NLRP4: variants seen among roughly 807,000 people sequenced by gnomAD.
NLRP4 encodes the protein NLR family pyrin domain containing 4.
In NLRP4, 44 loss-of-function variants were observed where a neutral mutation model predicts 84.7. That is an observed-to-expected ratio of 0.52 (90% CI 0.41 to 0.67). The LOEUF is 0.67. Ranked by LOEUF, NLRP4 falls within the 30% of genes least tolerant of loss-of-function variation. The probability of loss-of-function intolerance (pLI) is 0.00; values close to 1 mark genes in which losing one functional copy is unlikely to be tolerated. For synonymous variants in NLRP4, 544 were observed against 476.4 expected (o/e 1.14, Z -1.85); for missense variants, 1,260 against 1,219.4 (o/e 1.03, Z -0.50).
At chr19:55,868,730 C>G (rs1165058751) in intron 6 of NLRP4, among the ~76,000 whole-genome samples, 1 of 151,820 alleles carries the variant, frequency 6.6e-6, no homozygotes, top group African/African-American at 2.4e-5. Context: ...TCGAGTGTGT[C>G]TATTTTTTAA....
chr19:55,869,732 T>G (rs563456233), intron 6 of NLRP4, among the ~76,000 whole-genome samples: 1 of 152,226 alleles, frequency 6.6e-6, no homozygotes, highest in East Asian at 1.9e-4. Context: ...CACCGTCTGC[T>G]TTTTTGTTTT....
At chr19:55,867,512 T>A (rs1339574614) in intron 5 of NLRP4, among the ~76,000 whole-genome samples, 197 bp from the exon 6 acceptor site, 1 of 151,956 alleles carries the variant, frequency 6.6e-6, no homozygotes, top group East Asian at 1.9e-4. Flanking sequence ...AGCATGCATA[T>A]AACTGAGACT....
rs377060653 is a variant in NLRP4 at position 55,858,303 on chromosome 19, G to A, written c.910G>A (p.Glu304Lys). The A allele has an allele frequency of 1.9e-6, 3 of 1,614,148 alleles. No homozygotes were observed. The highest frequency in any genetic ancestry group is 1.1e-5 in the South Asian group (1 of 91,082). Reference sequence around the variant, plus strand: ...AATCTACCAGCCCCGGGGATTCAACGAGAGTGATAGGTTAGTGTATTTCTG... The same window carrying A: ...AATCTACCAGCCCCGGGGATTCAACAAGAGTGATAGGTTAGTGTATTTCTG... ...SEIYQPRGFNESDRLVYFCCF... is the reference protein window; with the variant it reads ...SEIYQPRGFNKSDRLVYFCCF... The change falls in exon 3 of 10, where the codon GAG becomes AAG. Residue 304 changes from glutamate (E) to lysine (K), a missense_variant. Physicochemically the swap from Glu to Lys is moderately conservative, Grantham distance 56. Around this residue, in one of 3 missense-constraint regions of NLRP4, gnomAD observed 712 missense variants for 669.2 expected, o/e 1.06. Transcript: ENST00000301295. This position sits in a 1 kb window ranked among gnomAD's most constrained non-coding sequence, Gnocchi z 4.2.
rs1261084397 is a variant in NLRP4, at chr19:55,857,919, A to G, written c.526A>G (p.Lys176Glu). 6.2e-7 allele frequency: 1 copy of G among 1,614,224 alleles called. No homozygotes were observed. The highest frequency in any genetic ancestry group is 8.5e-7 in the Non-Finnish European group (1 of 1,180,040). ...GCTGATGATGGCCTGGTCGGACAAC[A>G]AGATCTTTCGGGATAGGTTCCTGTA... is the stretch of plus-strand genomic sequence containing the variant. ...MKLMMAWSDNKIFRDRFLYTF... is the reference protein window; with the variant it reads ...MKLMMAWSDNEIFRDRFLYTF... The change falls in exon 3 of 10, where the codon AAG (lysine) becomes GAG (glutamate). Residue 176 changes from lysine to glutamate, a missense_variant. Physicochemically the swap from Lys to Glu is moderately conservative, Grantham distance 56. Around this residue, in one of 3 missense-constraint regions of NLRP4, gnomAD observed 712 missense variants for 669.2 expected, o/e 1.06. Transcript: ENST00000301295.
At chr19:55,875,943 A>T (rs1344373205) in intron 7 of NLRP4, among the ~76,000 whole-genome samples, 1 of 152,108 alleles carries the variant, frequency 6.6e-6, no homozygotes, top group Non-Finnish European at 1.5e-5. Flanking sequence ...AGGCTGAGGC[A>T]GGAGAATCAC....
chr19:55,842,538 T>C (rs1333467926), intron 1 of NLRP4, among the ~76,000 whole-genome samples: 1 of 151,964 alleles, frequency 6.6e-6, no homozygotes, highest in Non-Finnish European at 1.5e-5. Flanking sequence ...TCTTTTTTTT[T>C]TAGATTTACG....
chr19:55,868,036 T>C (rs302430), intron 6 of NLRP4, among the ~76,000 whole-genome samples, 160 bp downstream of exon 6: 46,712 of 152,182 alleles, frequency 0.31, 7,763 homozygotes, highest in African/African-American at 0.42. Flanking sequence ...TCAGGATTTA[T>C]CACGTATATA....
rs1163147761 is a variant in NLRP4, at chr19:55,836,744, A to G, written c.-256A>G. 6.7e-6 allele frequency: 1 copy of G among 148,666 alleles called. No homozygotes were observed. Among genetic ancestry groups the G allele is most frequent in the Non-Finnish European group, 1.5e-5 (1 of 67,784 alleles). The allele number at this position is 148,666 out of a possible 1,614,324, so 9.2% of individuals were successfully genotyped here. A position where few individuals can be genotyped will look rare whatever the true frequency, so the allele number is the denominator to read the frequency against. On this transcript the variant is annotated 5_prime_UTR_variant, in exon 1 of 10. An upstream start codon of the reference 5' UTR is lost. Transcript: ENST00000301295. ...TCCTTCTCTCCAGTTAGTGGGGTAGATGAACGCCCTGTGTTTATAAGGTGC... is the reference window on the plus strand; with the variant it reads ...TCCTTCTCTCCAGTTAGTGGGGTAGGTGAACGCCCTGTGTTTATAAGGTGC...
At chr19:55,868,190 C>T (rs1285843787) in intron 6 of NLRP4, among the ~76,000 whole-genome samples, 1 of 152,216 alleles carries the variant, frequency 6.6e-6, no homozygotes, top group Non-Finnish European at 1.5e-5. Context: ...CTGCAACACA[C>T]ATGGTACTTC....
intron 2 of NLRP4, among the ~76,000 whole-genome samples, chr19:55,853,755 T>TTCTCTCTTTC (rs113515986): frequency 5.4e-5 from 8 of 148,906 alleles, no homozygotes; most frequent in African/African-American, 2.0e-4. Context: ...TTCTTTCTCT[T>TTCTCTCTTTC]TCTCTTTCTC....
chr19:55,856,667 C>T (rs1470787875), intron 2 of NLRP4, among the ~76,000 whole-genome samples: 6 of 151,956 alleles, frequency 3.9e-5, no homozygotes, highest in Non-Finnish European at 7.4e-5. Context: ...AGGCACACAC[C>T]ACCACGCCCG....
rs960412786 is a variant in NLRP4 at position 55,861,280 on chromosome 19, G to T, written c.1857-106G>T. On this transcript the variant is annotated intron_variant, in intron 3 of 9. Transcript: ENST00000301295. ...GTTCCTTCTGACTGAGGGAGGCTCT[G>T]CCTCAGACATCTTCTGTTTGAGAAG... The T allele has an allele frequency of 2.0e-5, 19 of 932,880 alleles. No homozygotes were observed. The East Asian group carries it at 4.9e-4, about 24-fold the overall frequency. 57.8% of individuals were successfully genotyped at this position (932,880 alleles called of 1,614,324 possible).
rs35989098 is a variant in NLRP4, at chr19:55,860,737, C to T, written c.1857-649C>T. On this transcript the variant is annotated intron_variant, in intron 3 of 9. Coordinates refer to ENST00000301295, the MANE Select transcript of NLRP4 (RefSeq NM_134444.5). ...AGGGCTGAGCCTAGGCTGAAGATGT[C>T]GACTTAATGGCTGGGCTGTGCTGCC... Among the ~76,000 whole-genome samples the T allele has an allele frequency of 5.8e-3, 881 of 152,250 alleles. 4 individuals carry two copies. Among genetic ancestry groups the T allele is most frequent in the Non-Finnish European group, 9.2e-3 (626 of 68,012 alleles).
In NLRP4 at chr19:55,861,416, C is replaced by T. The variant is rs1479326398; in HGVS notation, c.1887C>T (p.His629=). 3 of 1,614,070 alleles carry T rather than the reference C, an allele frequency of 1.9e-6. No homozygotes were observed. Among genetic ancestry groups the T allele is most frequent in the East Asian group, 2.2e-5 (1 of 44,900 alleles). Reference sequence around the variant, plus strand: ...ATTACAGCCTCATCTGTTGGCATCACATCTGCTCTGTGCTCACCACCAGCG... The same window carrying T: ...ATTACAGCCTCATCTGTTGGCATCATATCTGCTCTGTGCTCACCACCAGCG... ...TSDYSLICWH[H]ICSVLTTSGH... The change falls in exon 4 of 10, where the codon CAC becomes CAT. Residue 629 remains histidine, a synonymous_variant. Transcript: ENST00000301295.
chr19:55,838,906 C>G (rs2122987559), intron 1 of NLRP4, among the ~76,000 whole-genome samples: 1 of 151,540 alleles, frequency 6.6e-6, no homozygotes. Flanking sequence ...TTAATTTTTG[C>G]ATTTGTTTTC....
chr19:55,856,798 A>C (rs114641017), intron 2 of NLRP4, among the ~76,000 whole-genome samples: 1 of 151,988 alleles, frequency 6.6e-6, no homozygotes, highest in African/African-American at 2.4e-5. Context: ...ACAGGCATGA[A>C]CCACTGCCCC....
At chr19:55,843,916 C>G (rs924538319) in intron 1 of NLRP4, among the ~76,000 whole-genome samples, 1 of 152,072 alleles carries the variant, frequency 6.6e-6, no homozygotes, top group Non-Finnish European at 1.5e-5. Flanking sequence ...CTCTTCTGTG[C>G]TTTTCATCTT....
chr19:55,861,936 T>G, intron 4 of NLRP4, 56 bp from the exon 5 acceptor site: 1 of 1,147,166 alleles, frequency 8.7e-7, no homozygotes, highest in East Asian at 2.3e-5. Context: ...AACACAGGTG[T>G]GCAGGCTGTG....
intron 8 of NLRP4, among the ~76,000 whole-genome samples, chr19:55,878,155 TACTC>T (rs1383199911): frequency 6.6e-6 from 1 of 152,102 alleles, no homozygotes; most frequent in Non-Finnish European, 1.5e-5. Context: ...TAGCCCCAGT[TACTC>T]AGGAGGCTGA....
Sources: allele counts gnomAD v4.1 joint callset (sites outside exome capture counted in the v4.1 genomes callset), GRCh38; gene constraint gnomAD v4.1.1; regional missense constraint gnomAD v4.1.1; non-coding constraint Gnocchi (gnomAD v3.1); transcripts MANE v1.5; gene names NCBI Gene and HGNC (gene_info 2026-07-23, HGNC 2026-07-21).